SGCD: variants seen among roughly 807,000 people sequenced by gnomAD.
SGCD encodes the protein sarcoglycan delta.
A neutral mutation model predicts 36.6 loss-of-function variants in SGCD; 18 were observed. The ratio of observed to expected loss-of-function variants is 0.49; its 90% CI spans 0.34 to 0.73. The LOEUF is 0.73. SGCD is among the 30% of genes least tolerant of loss of function. SGCD has a pLI of 0.01. For synonymous variants in SGCD, 133 were observed against 130.6 expected, an observed-to-expected ratio of 1.02 and a Z score of -0.12; for missense variants, 387 against 346.7, an observed-to-expected ratio of 1.12 and a Z score of -0.92.
chr5:156,102,073 G>C (rs1321553748), intron 1 of SGCD, among the ~76,000 whole-genome samples: 1 of 151,824 alleles, frequency 6.6e-6, no homozygotes, highest in African/African-American at 2.4e-5. Context: ...TTATTACTAG[G>C]ACTTTGAGTA....
intron 1 of SGCD, among the ~76,000 whole-genome samples, chr5:156,031,711 A>G (rs567434526): frequency 6.6e-5 from 10 of 152,284 alleles, no homozygotes; most frequent in African/African-American, 2.4e-4. Flanking sequence ...TGCACGGATT[A>G]CCTAGTTTAA....
intron 1 of SGCD, among the ~76,000 whole-genome samples, chr5:156,053,509 C>G (rs1048637109): frequency 2.1e-5 from 3 of 146,198 alleles, no homozygotes; most frequent in African/African-American, 7.4e-5. Flanking sequence ...TTATAAAATG[C>G]AAATTAGAAG....
At chr5:155,806,525 A>G in the SGCD span, among the ~76,000 whole-genome samples, 1 of 151,734 alleles carries the variant, frequency 6.6e-6, no homozygotes, top group African/African-American at 2.4e-5. Flanking sequence ...TGAATTAACA[A>G]TGTCAGAAAA....
the SGCD span, among the ~76,000 whole-genome samples, chr5:155,745,223 AG>A: frequency 6.6e-6 from 1 of 152,248 alleles, no homozygotes; most frequent in Non-Finnish European, 1.5e-5. Flanking sequence ...AAATAATCCC[AG>A]AAGGCTGATA....
intron 1 of SGCD, among the ~76,000 whole-genome samples, chr5:155,892,280 A>G (rs772825173): frequency 2.0e-5 from 3 of 151,768 alleles, no homozygotes; most frequent in Non-Finnish European, 4.4e-5. Flanking sequence ...ACATGGTGAA[A>G]CCCCGTCTCT....
chr5:156,603,831 G>A (rs958797710), intron 6 of SGCD, among the ~76,000 whole-genome samples: 1 of 151,988 alleles, frequency 6.6e-6, no homozygotes, highest in Admixed American at 6.6e-5. Flanking sequence ...CTATTTTGGA[G>A]AATGTTAAAC....
chr5:156,615,908 A>G (rs894163311), intron 6 of SGCD, among the ~76,000 whole-genome samples: 6 of 152,230 alleles, frequency 3.9e-5, no homozygotes, highest in African/African-American at 9.6e-5. Context: ...AGTATAGATG[A>G]GGAGGGAAGA....
chr5:156,503,053 G>A (rs1329894448), intron 3 of SGCD, among the ~76,000 whole-genome samples: 1 of 152,202 alleles, frequency 6.6e-6, no homozygotes, highest in East Asian at 1.9e-4. Flanking sequence ...TGGGGATTTG[G>A]CATGTTTGAG....
At chr5:156,276,326 C>T (rs1766317772) in intron 3 of SGCD, among the ~76,000 whole-genome samples, 1 of 152,078 alleles carries the variant, frequency 6.6e-6, no homozygotes, top group Admixed American at 6.6e-5. Context: ...TGAAAGAAGA[C>T]TATATTATTT....
At chr5:156,349,779 G>C (rs1383941910) in intron 3 of SGCD, among the ~76,000 whole-genome samples, 2 of 152,032 alleles carry the variant, frequency 1.3e-5, no homozygotes, top group Non-Finnish European at 2.9e-5. Flanking sequence ...ATGTCAAAAA[G>C]AGACCTGCAT....
At chr5:156,458,685 C>A (rs1581024150) in intron 3 of SGCD, among the ~76,000 whole-genome samples, 4 of 152,146 alleles carry the variant, frequency 2.6e-5, no homozygotes, top group Admixed American at 2.6e-4. Flanking sequence ...TAAGGATAAA[C>A]ACAAGTTACC....
chr5:156,484,730 G>A (rs1388606098), intron 3 of SGCD, among the ~76,000 whole-genome samples: 2 of 152,134 alleles, frequency 1.3e-5, no homozygotes, highest in African/African-American at 2.4e-5. Context: ...AAGATATGGT[G>A]TGATGAAAAA....
At chr5:156,273,625 T>C (rs1429436284) in intron 3 of SGCD, among the ~76,000 whole-genome samples, 1 of 152,198 alleles carries the variant, frequency 6.6e-6, no homozygotes, top group East Asian at 1.9e-4. Context: ...GAAAAGAATT[T>C]TTAGCATCCC....
At chr5:156,390,003 T>C (rs1771480153) in intron 3 of SGCD, among the ~76,000 whole-genome samples, 1 of 152,180 alleles carries the variant, frequency 6.6e-6, no homozygotes, top group African/African-American at 2.4e-5. Context: ...GGTGATGTCA[T>C]AGTCGTCGTC....
intron 1 of SGCD, among the ~76,000 whole-genome samples, chr5:156,057,257 A>G (rs187011514): frequency 6.8e-6 from 1 of 146,608 alleles, no homozygotes; most frequent in East Asian, 1.9e-4. Flanking sequence ...ACCCACCCCA[A>G]AGATAAACTT....
chr5:156,521,814 A>T (rs1489746214), intron 4 of SGCD, among the ~76,000 whole-genome samples: 1 of 152,194 alleles, frequency 6.6e-6, no homozygotes, highest in Non-Finnish European at 1.5e-5. Context: ...GGAACTAAAA[A>T]TACCATTTGT....
chr5:156,742,266 C>T (rs561890989), intron 7 of SGCD, among the ~76,000 whole-genome samples: 5 of 152,126 alleles, frequency 3.3e-5, no homozygotes, highest in Non-Finnish European at 7.4e-5. Flanking sequence ...AATACACCTC[C>T]CACTTTACTA....
At chr5:156,404,977 G>T (rs568833195) in intron 3 of SGCD, among the ~76,000 whole-genome samples, 4 of 152,232 alleles carry the variant, frequency 2.6e-5, no homozygotes, top group Non-Finnish European at 5.9e-5. Flanking sequence ...TGCAATTAAG[G>T]CTACTAATCA....
chr5:155,756,245 A>C, the SGCD span, among the ~76,000 whole-genome samples: 84 of 152,234 alleles, frequency 5.5e-4, no homozygotes, highest in Admixed American at 5.4e-3. Context: ...GGGTTAAGGA[A>C]CTATTCAGAG....
Sources: gnomAD v4.1 joint callset for allele counts (sites outside exome capture counted in the v4.1 genomes callset) on GRCh38, gnomAD v4.1.1 for gene constraint, MANE v1.5 for transcripts, NCBI Gene and HGNC (gene_info 2026-07-23, HGNC 2026-07-21) for gene names.